OR14I1: variants seen among roughly 807,000 people sequenced by gnomAD.
OR14I1 encodes the protein olfactory receptor family 14 subfamily I member 1.
For missense variants in OR14I1, 279 were observed against 181.8 expected, an observed-to-expected ratio of 1.53 and a Z score of -3.07; for synonymous variants, 118 against 71.1, an observed-to-expected ratio of 1.66 and a Z score of -3.32.
chr1:248,694,673 T>C, the OR14I1 span, among the ~76,000 whole-genome samples: 2 of 152,228 alleles, frequency 1.3e-5, no homozygotes, highest in African/African-American at 4.8e-5. Context: ...AGAATTTCAG[T>C]CACTTCTGAT....
At chr1:248,697,262 C>T in the OR14I1 span, 21 of 152,198 alleles carry the variant, frequency 1.4e-4, 1 homozygote, top group African/African-American at 4.8e-4. Context: ...GTATGTGTTC[C>T]AAGGGTAGGG....
At chr1:248,687,150 C>T (rs1467802844), upstream of OR14I1, among the ~76,000 whole-genome samples, 1 of 152,264 alleles carries the variant, frequency 6.6e-6, no homozygotes, top group East Asian at 1.9e-4. Flanking sequence ...TAGAGATTTT[C>T]ATTAAGAGAG....
the OR14I1 span, among the ~76,000 whole-genome samples, chr1:248,699,309 A>G: frequency 9.9e-5 from 15 of 152,216 alleles, no homozygotes; most frequent in Admixed American, 2.0e-4. Context: ...ATGCTGAGAA[A>G]GCAATTTAAG....
At chr1:248,689,154 T>C in the OR14I1 span, among the ~76,000 whole-genome samples, 2 of 152,216 alleles carry the variant, frequency 1.3e-5, no homozygotes, top group Non-Finnish European at 2.9e-5. Context: ...TCAGTCCCCA[T>C]AGCTGGCGTA....
upstream of OR14I1, among the ~76,000 whole-genome samples, chr1:248,685,962 C>G (rs1279347221): frequency 1.3e-5 from 2 of 151,786 alleles, no homozygotes; most frequent in African/African-American, 4.8e-5. Context: ...ATACAATACA[C>G]CTATTCAAAA....
At chr1:248,682,556 T>C (rs929798396), upstream of OR14I1, among the ~76,000 whole-genome samples, 8 of 152,248 alleles carry the variant, frequency 5.3e-5, no homozygotes, top group Non-Finnish European at 1.2e-4. Flanking sequence ...ACTGTTTTTC[T>C]ATTATATGGA....
At chr1:248,688,717 A>G in the OR14I1 span, among the ~76,000 whole-genome samples, 37 of 152,342 alleles carry the variant, frequency 2.4e-4, no homozygotes, top group African/African-American at 8.7e-4. Context: ...TGACAACAAG[A>G]AAGAATTGGC....
upstream of OR14I1, among the ~76,000 whole-genome samples, chr1:248,684,373 A>C (rs1661608631): frequency 6.6e-6 from 1 of 152,244 alleles, no homozygotes; most frequent in Non-Finnish European, 1.5e-5. Context: ...GCTGCTGCTT[A>C]GTTTGCTGTG....
the OR14I1 span, among the ~76,000 whole-genome samples, chr1:248,690,600 C>CAAAAAAAA: frequency 5.2e-4 from 27 of 51,506 alleles, 2 homozygotes; most frequent in East Asian, 2.0e-3. Flanking sequence ...GTCTACCAAC[C>CAAAAAAAA]AAAAAAAAAA....
chr1:248,693,904 A>G, the OR14I1 span, among the ~76,000 whole-genome samples: 1 of 151,994 alleles, frequency 6.6e-6, no homozygotes, highest in East Asian at 1.9e-4. Flanking sequence ...CTTTTTAAAA[A>G]AAAAAAAAAA....
At chr1:248,682,401 C>T (rs1661583877), upstream of OR14I1, 1 of 605,898 alleles carries the variant, frequency 1.7e-6, no homozygotes, top group Admixed American at 3.0e-5. Context: ...GTAATATCCT[C>T]CTAAATTAAA....
At chr1:248,695,543 G>A in the OR14I1 span, among the ~76,000 whole-genome samples, 6 of 152,048 alleles carry the variant, frequency 3.9e-5, no homozygotes, top group African/African-American at 1.2e-4. Flanking sequence ...GAATCTATGC[G>A]TTTTTAAAAT....
chr1:248,688,982 G>A, the OR14I1 span, among the ~76,000 whole-genome samples: 1 of 152,158 alleles, frequency 6.6e-6, no homozygotes, highest in African/African-American at 2.4e-5. Context: ...GCTTTCTCTA[G>A]TAGGTAGACA....
At chr1:248,701,310 TC>T in the OR14I1 span, among the ~76,000 whole-genome samples, 2 of 152,034 alleles carry the variant, frequency 1.3e-5, no homozygotes, top group Non-Finnish European at 2.9e-5. Flanking sequence ...TGCCACCACA[TC>T]CGGCTAATTT....
the OR14I1 span, among the ~76,000 whole-genome samples, chr1:248,690,600 C>CAAAAAAAAAAAAA: frequency 1.9e-5 from 1 of 51,524 alleles, no homozygotes; most frequent in Admixed American, 3.5e-4. Context: ...GTCTACCAAC[C>CAAAAAAAAAAAAA]AAAAAAAAAA....
At chr1:248,697,570 A>G in the OR14I1 span, among the ~76,000 whole-genome samples, 1 of 151,826 alleles carries the variant, frequency 6.6e-6, no homozygotes, top group Non-Finnish European at 1.5e-5. Context: ...AGATCACTTG[A>G]GGTCGGGAGT....
chr1:248,701,221 G>A, the OR14I1 span, among the ~76,000 whole-genome samples: 3 of 151,928 alleles, frequency 2.0e-5, no homozygotes, highest in Non-Finnish European at 4.4e-5. Context: ...GCACCATCTC[G>A]GCTCACTGCA....
the OR14I1 span, among the ~76,000 whole-genome samples, chr1:248,689,866 A>G: frequency 2.0e-5 from 3 of 152,372 alleles, no homozygotes; most frequent in Non-Finnish European, 2.9e-5. Flanking sequence ...AATGGAAATC[A>G]TAACAAACAG....
At chr1:248,688,699 A>G in the OR14I1 span, among the ~76,000 whole-genome samples, 3 of 152,246 alleles carry the variant, frequency 2.0e-5, no homozygotes, top group African/African-American at 7.2e-5. Flanking sequence ...GGGGCATAGC[A>G]AAGATCATGA....
Sources: allele counts gnomAD v4.1 joint callset (sites outside exome capture counted in the v4.1 genomes callset), GRCh38; gene constraint gnomAD v4.1.1; transcripts MANE v1.5; gene names NCBI Gene and HGNC (gene_info 2026-07-23, HGNC 2026-07-21).